ZW10: variants seen among roughly 807,000 people sequenced by gnomAD.
ZW10 encodes centromere/kinetochore protein zw10 homolog.
Under a neutral mutation model 87.8 loss-of-function variants are expected in ZW10, and 53 were observed. That is an observed-to-expected ratio of 0.60 (90% CI 0.48 to 0.76). ZW10 has a LOEUF of 0.76. Ranked by LOEUF, ZW10 falls within the 30% of genes least tolerant of loss-of-function variation. The pLI, the probability that ZW10 is intolerant of heterozygous loss-of-function variation, is 0.00. For synonymous variants in ZW10, 312 were observed against 329.2 expected, an observed-to-expected ratio of 0.95 and a Z score of 0.57; for missense variants, 837 against 923.0, an observed-to-expected ratio of 0.91 and a Z score of 1.21.
chr11:113,737,846 G>T, intron 13 of ZW10, 143 bp from the exon 14 acceptor site: 1 of 944,144 alleles, frequency 1.1e-6, no homozygotes, highest in Non-Finnish European at 1.5e-6. Context: ...TATGCTTCTT[G>T]AACATTTAAC....
In ZW10 at chr11:113,743,820, G is replaced by T; in HGVS notation, c.1493C>A (p.Thr498Lys). ...ELAYQTLLEA[T>K]TSSDQCAVQL... is the part of the protein sequence containing the mutation. ...TTCGTACCATTGATCACTACTGGTT[G>T]TTGCCTCTAGTAAAGTCTGATAGGC... is the stretch of plus-strand genomic sequence containing the variant. The change falls in exon 10 of 16, where the codon ACA (threonine) becomes AAA (lysine). Residue 498 changes from threonine (T) to lysine (K), a missense_variant. Coordinates refer to ENST00000200135, the MANE Select transcript of ZW10 (RefSeq NM_004724.4). The T allele has an allele frequency of 8.1e-6, 13 of 1,613,854 alleles. No homozygotes were observed. Among genetic ancestry groups the T allele is most frequent in the Non-Finnish European group, 1.1e-5 (13 of 1,179,760 alleles).
rs1201123302 is a variant in ZW10, at chr11:113,758,711, G to A, written c.581-5C>T. 2.5e-6 allele frequency: 4 copies of A among 1,612,788 alleles called. No individual in the cohort carries two copies. Among genetic ancestry groups the A allele is most frequent in the Non-Finnish European group, 3.4e-6 (4 of 1,179,534 alleles). On this transcript the variant is annotated splice_polypyrimidine_tract_variant and splice_region_variant and intron_variant, in intron 5 of 15. Transcript: ENST00000200135. Reference sequence around the variant, plus strand: ...AAGATTCCAAACTGCTGGTATCTAAGAAAAAGGAAGAAAAATATCAGCTGT... The same window carrying A: ...AAGATTCCAAACTGCTGGTATCTAAAAAAAAGGAAGAAAAATATCAGCTGT...
At chr11:113,734,973 A>G (rs1591407217) in intron 15 of ZW10, among the ~76,000 whole-genome samples, 1 of 152,190 alleles carries the variant, frequency 6.6e-6, no homozygotes. Context: ...AAGGAAATAA[A>G]TAACATAAAA....
At chr11:113,735,114 A>C in intron 15 of ZW10, among the ~76,000 whole-genome samples, 2 of 152,252 alleles carry the variant, frequency 1.3e-5, no homozygotes, top group East Asian at 3.9e-4. Flanking sequence ...TTACATTATA[A>C]ATACAGAGTA....
At chr11:113,769,327 G>A (rs978086151) in intron 1 of ZW10, among the ~76,000 whole-genome samples, 2 of 151,284 alleles carry the variant, frequency 1.3e-5, no homozygotes, top group Non-Finnish European at 2.9e-5. Context: ...AAGAGAAAAG[G>A]TGGAGCCAGA....
intron 15 of ZW10, among the ~76,000 whole-genome samples, chr11:113,736,293 A>G (rs957991278): frequency 2.0e-5 from 3 of 151,456 alleles, no homozygotes; most frequent in Non-Finnish European, 2.9e-5. Context: ...AAAAGCATCC[A>G]CTGCTCCTTA....
Position 113,733,304 on chromosome 11 carries a change from C to A in ZW10, c.*390G>T. On this transcript the variant is annotated 3_prime_UTR_variant, in exon 16 of 16. Transcript: ENST00000200135. ...CTCCTCCACACCCCTAAAATATCTC[C>A]GATTTGCTCAGAAATTCTCTACCCT... The A allele has an allele frequency of 6.1e-6, 1 of 164,380 alleles. No individual in the cohort carries two copies. Among genetic ancestry groups the A allele is most frequent in the Non-Finnish European group, 1.3e-5 (1 of 75,904 alleles). The allele number at this position is 164,380 out of a possible 1,614,324, so 10.2% of individuals were successfully genotyped here. A position where few individuals can be genotyped will look rare whatever the true frequency, so the allele number is the denominator to read the frequency against.
chr11:113,770,174 C>T (rs1023673225), intron 1 of ZW10, among the ~76,000 whole-genome samples: 13 of 150,076 alleles, frequency 8.7e-5, no homozygotes, highest in Non-Finnish European at 1.6e-4. Context: ...CTGCAACCTC[C>T]ACCTCCCGGG....
intron 1 of ZW10, chr11:113,769,931 T>C (rs1196192963): frequency 7.1e-6 from 2 of 282,546 alleles, no homozygotes; most frequent in South Asian, 7.0e-5. Flanking sequence ...TGGACCACCA[T>C]GGTGCTGACT....
chr11:113,768,518 T>G (rs1001212085), intron 2 of ZW10, among the ~76,000 whole-genome samples: 2 of 152,222 alleles, frequency 1.3e-5, no homozygotes, highest in Non-Finnish European at 2.9e-5. Flanking sequence ...TCTGGGGATA[T>G]TTTTTGAACT....
chr11:113,765,024 G>A (rs1053069066), intron 2 of ZW10, among the ~76,000 whole-genome samples: 2 of 152,120 alleles, frequency 1.3e-5, no homozygotes, highest in South Asian at 2.1e-4. Flanking sequence ...GAAGACATTG[G>A]CTGTCACTGG....
At chr11:113,758,386 A>G (rs1447821009) in intron 6 of ZW10, among the ~76,000 whole-genome samples, 168 bp downstream of exon 6, 1 of 149,686 alleles carries the variant, frequency 6.7e-6, no homozygotes, top group Non-Finnish European at 1.5e-5. Flanking sequence ...AAAAAAACCC[A>G]ATCCCTTAAT....
chr11:113,764,956 G>C (rs922491935), intron 2 of ZW10, among the ~76,000 whole-genome samples: 2 of 152,120 alleles, frequency 1.3e-5, no homozygotes, highest in East Asian at 3.9e-4. Flanking sequence ...CCAAACCAGT[G>C]GTTTTTAACA....
At chr11:113,765,302 C>T (rs1302358997) in intron 2 of ZW10, among the ~76,000 whole-genome samples, 2 of 152,216 alleles carry the variant, frequency 1.3e-5, no homozygotes, top group Non-Finnish European at 2.9e-5. Flanking sequence ...GATGTGGAAA[C>T]TGTCCACTAA....
chr11:113,736,448 T>C (rs1166576048), intron 15 of ZW10, among the ~76,000 whole-genome samples, 172 bp downstream of exon 15: 1 of 152,176 alleles, frequency 6.6e-6, no homozygotes, highest in Non-Finnish European at 1.5e-5. Context: ...GGGAAAGTGG[T>C]AATGAGATCT....
In ZW10 at chr11:113,743,291, C is replaced by A. The variant is rs554130518; in HGVS notation, c.1511+511G>T. Among the ~76,000 whole-genome samples, 15 of 152,196 alleles carry A rather than the reference C, an allele frequency of 9.9e-5. No homozygotes were observed. The South Asian group carries it at 3.1e-3, about 32-fold the overall frequency. On this transcript the variant is annotated intron_variant, in intron 10 of 15. Transcript: ENST00000200135. Reference sequence around the variant, plus strand: ...ATTTAAAATATAAATGAATTAGGGACTGGGTTTCAAAAGGTAAAAAGAATG... The same window carrying A: ...ATTTAAAATATAAATGAATTAGGGAATGGGTTTCAAAAGGTAAAAAGAATG...
chr11:113,738,961 A>G (rs1953582273), intron 12 of ZW10, among the ~76,000 whole-genome samples: 2 of 152,190 alleles, frequency 1.3e-5, no homozygotes, highest in South Asian at 4.1e-4. Context: ...AATGCACACT[A>G]GGACTGCAGT....
At chr11:113,734,706 G>A (rs1953528985) in intron 15 of ZW10, among the ~76,000 whole-genome samples, 1 of 152,026 alleles carries the variant, frequency 6.6e-6, no homozygotes, top group Admixed American at 6.5e-5. Flanking sequence ...TCGGGAGGCT[G>A]AGGCAGAAGA....
chr11:113,744,202 A>C (rs1043955467), intron 9 of ZW10, among the ~76,000 whole-genome samples, 162 bp from the exon 10 acceptor site: 6 of 152,172 alleles, frequency 3.9e-5, no homozygotes, highest in Non-Finnish European at 8.8e-5. Context: ...CCTGGCTAAC[A>C]CGGTGAAACC....
Sources: allele counts gnomAD v4.1 joint callset (sites outside exome capture counted in the v4.1 genomes callset), GRCh38; gene constraint gnomAD v4.1.1; transcripts MANE v1.5; gene names NCBI Gene and HGNC (gene_info 2026-07-23, HGNC 2026-07-21).